STOX2: variants seen among roughly 807,000 people sequenced by gnomAD.
STOX2 encodes the protein storkhead-box protein 2.
In STOX2, 28 loss-of-function variants were observed where a neutral mutation model predicts 60.9. The ratio of observed to expected loss-of-function variants is 0.46; its 90% CI spans 0.34 to 0.63. STOX2 has a LOEUF of 0.63. Among genes scored for constraint, STOX2 ranks in the 30% least tolerant of loss-of-function variants. The pLI, the probability that STOX2 is intolerant of heterozygous loss-of-function variation, is 0.01. For synonymous variants in STOX2, 472 were observed against 463.9 expected, an observed-to-expected ratio of 1.02 and a Z score of -0.22; for missense variants, 1,024 against 1,187.7, an observed-to-expected ratio of 0.86 and a Z score of 2.03.
intron 1 of STOX2, among the ~76,000 whole-genome samples, chr4:183,999,073 C>T (rs919960446): frequency 1.1e-4 from 16 of 151,902 alleles, no homozygotes; most frequent in African/African-American, 3.6e-4. Context: ...AAAACAAAAA[C>T]AAATGAACAA....
chr4:183,997,005 T>G (rs1005332639), intron 1 of STOX2, among the ~76,000 whole-genome samples: 1 of 152,200 alleles, frequency 6.6e-6, no homozygotes, highest in African/African-American at 2.4e-5. Context: ...TCAACAAATA[T>G]TTGTTGGGTA....
intron 1 of STOX2, among the ~76,000 whole-genome samples, chr4:183,927,508 C>CT (rs577464785): frequency 2.3e-3 from 325 of 144,398 alleles, no homozygotes; most frequent in African/African-American, 7.2e-3. Flanking sequence ...CTTTTGGGGT[C>CT]TTTTTTTTTT....
At chr4:183,883,679 A>G (rs1291552853) in intron 1 of STOX2, among the ~76,000 whole-genome samples, 1 of 152,044 alleles carries the variant, frequency 6.6e-6, no homozygotes, top group East Asian at 1.9e-4. Context: ...CGAAGAGGAA[A>G]CAAACTGTTA....
At chr4:183,903,371 C>T (rs1040973447), upstream of STOX2, among the ~76,000 whole-genome samples, 4 of 152,188 alleles carry the variant, frequency 2.6e-5, no homozygotes, top group Admixed American at 2.6e-4. Flanking sequence ...CCATCTCCCC[C>T]ACTCTTTGCT....
intron 1 of STOX2, among the ~76,000 whole-genome samples, chr4:183,995,291 C>CTTTTTTTTATTTTTTT (rs1733282696): frequency 1.3e-5 from 1 of 79,480 alleles, no homozygotes; most frequent in Admixed American, 1.5e-4. Context: ...TTATTTTAGT[C>CTTTTTTTTATTTTTTT]TTTTTTTTTT....
intron 1 of STOX2, among the ~76,000 whole-genome samples, chr4:183,995,716 G>T (rs887762217): frequency 7.9e-5 from 12 of 152,146 alleles, no homozygotes; most frequent in African/African-American, 2.7e-4. Context: ...ATGAAAACAG[G>T]GGCAGTGCCT....
chr4:183,964,406 A>G (rs1253822957), intron 1 of STOX2, among the ~76,000 whole-genome samples: 1 of 152,176 alleles, frequency 6.6e-6, no homozygotes, highest in African/African-American at 2.4e-5. Context: ...GTGAGGTTGT[A>G]TGTAATGCAT....
intron 1 of STOX2, among the ~76,000 whole-genome samples, chr4:183,940,503 T>C (rs1245883417): frequency 6.6e-6 from 1 of 152,220 alleles, no homozygotes; most frequent in Non-Finnish European, 1.5e-5. Flanking sequence ...TGGCCACCCC[T>C]CTTCCTGCTC....
chr4:183,909,586 C>T (rs1741720711), intron 1 of STOX2, among the ~76,000 whole-genome samples: 1 of 152,036 alleles, frequency 6.6e-6, no homozygotes, highest in African/African-American at 2.4e-5. Flanking sequence ...TTTTTAGACC[C>T]CCTCCCTCAA....
chr4:183,947,060 G>A (rs994116414), intron 1 of STOX2, among the ~76,000 whole-genome samples: 2 of 124,336 alleles, frequency 1.6e-5, no homozygotes, highest in African/African-American at 2.6e-5. Context: ...TGGACCATCC[G>A]TGGATTTCGG....
chr4:183,958,112 G>A (rs1281459710), intron 1 of STOX2, among the ~76,000 whole-genome samples: 1 of 151,706 alleles, frequency 6.6e-6, no homozygotes, highest in Non-Finnish European at 1.5e-5. Flanking sequence ...GTTTCTTTCA[G>A]GGGGGATGGT....
intron 1 of STOX2, among the ~76,000 whole-genome samples, chr4:183,890,915 C>T (rs1741193190): frequency 6.6e-6 from 1 of 152,064 alleles, no homozygotes; most frequent in African/African-American, 2.4e-5. Context: ...TGAGATCAGC[C>T]TGGGTAACAC....
chr4:183,928,716 C>T (rs1742317103), intron 1 of STOX2, among the ~76,000 whole-genome samples: 1 of 151,896 alleles, frequency 6.6e-6, no homozygotes, highest in Admixed American at 6.6e-5. Context: ...AGGGGATTAA[C>T]AACTTAGTGT....
chr4:183,845,965 C>A (rs921060304), intron 1 of STOX2, among the ~76,000 whole-genome samples: 8 of 152,020 alleles, frequency 5.3e-5, no homozygotes, highest in African/African-American at 1.5e-4. Context: ...TTCATTTCAA[C>A]CTGAAGGATT....
intron 1 of STOX2, among the ~76,000 whole-genome samples, 167 bp downstream of exon 1, chr4:183,907,123 C>A (rs1473039570): frequency 6.6e-6 from 1 of 152,166 alleles, no homozygotes; most frequent in Non-Finnish European, 1.5e-5. Flanking sequence ...CTCCCAAGAT[C>A]CACAGCAGGC....
At position 183,836,577 on chromosome 4, in the gene STOX2, C is replaced by A. The variant is rs577503449; in HGVS notation, c.364+38522C>A. On this transcript the variant is annotated intron_variant, in intron 1 of 2. Transcript: ENST00000513034. This position sits in a 1 kb window ranked among gnomAD's most constrained non-coding sequence, Gnocchi z 4.1. ...TGATGCCTCAGCCATTATCCAGACC[C>A]CATCACATGGCCCCATACAATGGGA... is the stretch of plus-strand genomic sequence containing the variant. Among the ~76,000 whole-genome samples, 1 of 152,174 alleles carries A rather than the reference C, an allele frequency of 6.6e-6. No individual in the cohort carries two copies. Among genetic ancestry groups the A allele is most frequent in the South Asian group, 2.1e-4 (1 of 4,830 alleles).
In STOX2 at chr4:184,022,566, G is replaced by A. The variant is rs1029377450; in HGVS notation, c.*5282G>A. 1 of 152,112 alleles carries A rather than the reference G, an allele frequency of 6.6e-6. No homozygotes were observed. The highest frequency in any genetic ancestry group is 2.4e-5 in the African/African-American group (1 of 41,372). The allele number at this position is 152,112 out of a possible 1,614,324, so 9.4% of individuals were successfully genotyped here. On this transcript the variant is annotated 3_prime_UTR_variant, in exon 4 of 4. Coordinates refer to ENST00000308497, the MANE Select transcript of STOX2 (RefSeq NM_020225.3). Reference sequence around the variant, plus strand: ...ACACACATCATGCCAAGGAGGGAATGGGGTGTTTCAAGTCAGGCAGCGATG... The same window carrying A: ...ACACACATCATGCCAAGGAGGGAATAGGGTGTTTCAAGTCAGGCAGCGATG...
intron 1 of STOX2, among the ~76,000 whole-genome samples, chr4:183,967,957 T>C (rs1166576658): frequency 6.6e-6 from 1 of 152,218 alleles, no homozygotes; most frequent in East Asian, 1.9e-4. Context: ...ACCGGATCGG[T>C]ACACACTAAG....
rs56043761 is a variant in STOX2 at position 183,977,546 on chromosome 4, C to CGT, written c.167-23762_167-23761dup. On this transcript the variant is annotated intron_variant, in intron 1 of 3. Transcript: ENST00000308497. ...TTTATGGCTGAGTAGCATTCCATTT[C>CGT]GTGTGTGTGTGTGTGTGTATCACAT... Among the ~76,000 whole-genome samples the CGT allele has an allele frequency of 2.0e-3, 299 of 147,896 alleles. 2 individuals are homozygous for CGT. In the East Asian group the frequency reaches 0.03, roughly 15 times the overall value.
Sources: allele counts gnomAD v4.1 joint callset (sites outside exome capture counted in the v4.1 genomes callset), GRCh38; gene constraint gnomAD v4.1.1; non-coding constraint Gnocchi (gnomAD v3.1); transcripts MANE v1.5; gene names NCBI Gene and HGNC (gene_info 2026-07-23, HGNC 2026-07-21).